The following ZNF766 variants were observed in gnomAD, a reference collection of about 807,000 sequenced individuals.
ZNF766 encodes zinc finger protein 766.
ZNF766 carries 13 observed loss-of-function variants against 13.2 expected under a neutral mutation model. The ratio of observed to expected loss-of-function variants is 0.98; its 90% CI spans 0.64 to 1.56. The LOEUF is 1.56. Ranked by LOEUF, ZNF766 falls within the 40% of genes most tolerant of loss-of-function variation. The pLI is 0.00. For synonymous variants in ZNF766, 178 were observed against 187.6 expected (o/e 0.95, Z 0.42); for missense variants, 521 against 552.2 (o/e 0.94, Z 0.57).
chr19:52,276,427 GA>G (rs1185419852), intron 1 of ZNF766, among the ~76,000 whole-genome samples: 1 of 152,128 alleles, frequency 6.6e-6, no homozygotes, highest in African/African-American at 2.4e-5. Context: ...GTAATTGGTT[GA>G]ATCCATGGAT....
chr19:52,282,263 TG>T, intron 2 of ZNF766, 26 bp downstream of exon 2: 2 of 1,576,542 alleles, frequency 1.3e-6, no homozygotes, highest in Non-Finnish European at 1.7e-6. Flanking sequence ...CTCCAGAAGT[TG>T]GGGTCTGCCC....
Position 52,290,977 on chromosome 19 carries a change from T to G in ZNF766, c.1186T>G (p.Ser396Ala), listed in dbSNP as rs1275981681. 1 of 1,613,992 alleles carries G rather than the reference T, an allele frequency of 6.2e-7. No homozygotes were observed. The highest frequency in any genetic ancestry group is 2.2e-5 in the East Asian group (1 of 44,838). ...ATGTGGCAAAGTCTTCACTCAAGTT[T>G]CACATCTTGCACGACATCAGAAAAT... ...HECGKVFTQV[S>A]HLARHQKIHT... Residue 396 changes from serine (S) to alanine (A), a missense_variant, in exon 4 of 4, where the codon TCA becomes GCA. Physicochemically the swap from Ser to Ala is moderately conservative, Grantham distance 99. Transcript: ENST00000439461.
At chr19:52,275,806 G>A (rs1016744257) in intron 1 of ZNF766, among the ~76,000 whole-genome samples, 5 of 151,226 alleles carry the variant, frequency 3.3e-5, no homozygotes, top group Non-Finnish European at 2.9e-5. Flanking sequence ...TCAGCCTCCC[G>A]AGTAGCTGGG....
chr19:52,286,753 C>T (rs1449526201), intron 3 of ZNF766, among the ~76,000 whole-genome samples: 3 of 152,116 alleles, frequency 2.0e-5, no homozygotes, highest in Admixed American at 2.0e-4. Context: ...AGGTGTGATC[C>T]ATTTTAATAT....
intron 3 of ZNF766, among the ~76,000 whole-genome samples, chr19:52,286,771 A>G (rs1033609786): frequency 6.6e-6 from 1 of 152,104 alleles, no homozygotes; most frequent in African/African-American, 2.4e-5. Context: ...TATGCTGCTG[A>G]ATTTATTTAG....
chr19:52,283,840 T>C (rs1461894717), intron 3 of ZNF766, among the ~76,000 whole-genome samples: 2 of 152,166 alleles, frequency 1.3e-5, no homozygotes, highest in African/African-American at 4.8e-5. Context: ...CGGGTACAAG[T>C]GAGTCCCCTG....
intron 1 of ZNF766, among the ~76,000 whole-genome samples, chr19:52,269,949 C>T (rs1313805994): frequency 1.3e-5 from 2 of 152,204 alleles, no homozygotes; most frequent in African/African-American, 4.8e-5. Flanking sequence ...TCCCAAGCCT[C>T]GTCCTTGTCG....
intron 1 of ZNF766, among the ~76,000 whole-genome samples, chr19:52,271,101 A>G (rs1021091631): frequency 6.6e-6 from 1 of 152,002 alleles, no homozygotes; most frequent in African/African-American, 2.4e-5. Flanking sequence ...ACATTTTATT[A>G]ATTTGCTGGA....
At chr19:52,279,218 G>A (rs1167534564) in intron 1 of ZNF766, among the ~76,000 whole-genome samples, 3 of 152,098 alleles carry the variant, frequency 2.0e-5, no homozygotes, top group African/African-American at 4.8e-5. Flanking sequence ...TGACTATTCT[G>A]TTCCATTGGT....
At chr19:52,289,402 T>A (rs1981998298) in intron 3 of ZNF766, among the ~76,000 whole-genome samples, 1 of 151,842 alleles carries the variant, frequency 6.6e-6, no homozygotes, top group Non-Finnish European at 1.5e-5. Context: ...TCCGCCCACC[T>A]CGCCCTCCCA....
chr19:52,269,798 C>T (rs907185216), intron 1 of ZNF766, among the ~76,000 whole-genome samples, 167 bp downstream of exon 1: 2 of 152,214 alleles, frequency 1.3e-5, no homozygotes, highest in South Asian at 2.1e-4. Flanking sequence ...AGGGCTGGTT[C>T]TGTCTCCGGT....
At chr19:52,274,163 A>G (rs1981091989) in intron 1 of ZNF766, among the ~76,000 whole-genome samples, 1 of 152,170 alleles carries the variant, frequency 6.6e-6, no homozygotes, top group Admixed American at 6.6e-5. Flanking sequence ...TTTGTCCTGT[A>G]TGTCCCCCTG....
chr19:52,289,768 C>T (rs775682793), intron 3 of ZNF766, among the ~76,000 whole-genome samples: 49 of 152,062 alleles, frequency 3.2e-4, no homozygotes, highest in African/African-American at 1.1e-3. Context: ...TGGGAGGCCA[C>T]GGCGGGCGGA....
intron 3 of ZNF766, among the ~76,000 whole-genome samples, chr19:52,286,588 A>G (rs1981842084): frequency 6.6e-6 from 1 of 151,758 alleles, no homozygotes; most frequent in African/African-American, 2.4e-5. Context: ...TGTTTTTATC[A>G]TAATTGCTAA....
chr19:52,276,828 C>G (rs1359176870), intron 1 of ZNF766, among the ~76,000 whole-genome samples: 2 of 152,206 alleles, frequency 1.3e-5, no homozygotes, highest in African/African-American at 4.8e-5. Context: ...GCCTCTGATT[C>G]ACAAAGAGGT....
chr19:52,294,218 G>GA lies in ZNF766; in HGVS notation c.*3026dup, dbSNP rs1982264717. ...CTCGTAGCGCTCAGTGACATAATTTGAAAAAATATTAATGTTCAGAAATGT... is the reference window on the plus strand; with the variant it reads ...CTCGTAGCGCTCAGTGACATAATTTGAAAAAAATATTAATGTTCAGAAATGT... On this transcript the variant is annotated 3_prime_UTR_variant, in exon 4 of 4. Transcript: ENST00000439461. 6.6e-6 allele frequency: 1 copy of GA among 152,092 alleles called. No individual in the cohort carries two copies. The highest frequency in any genetic ancestry group is 2.4e-5 in the African/African-American group (1 of 41,404). 9.4% of individuals were successfully genotyped at this position (152,092 alleles called of 1,614,324 possible).
chr19:52,285,739 G>A (rs1377870823), intron 3 of ZNF766, among the ~76,000 whole-genome samples: 1 of 152,182 alleles, frequency 6.6e-6, no homozygotes, highest in Non-Finnish European at 1.5e-5. Flanking sequence ...GAACCTCTCT[G>A]GGGAGGTCTT....
chr19:52,295,182 T>A lies in ZNF766; in HGVS notation c.*3984T>A, dbSNP rs1293240962. 1 of 145,068 alleles carries A rather than the reference T, an allele frequency of 6.9e-6. No individual in the cohort carries two copies. Among genetic ancestry groups the A allele is most frequent in the Non-Finnish European group, 1.5e-5 (1 of 66,128 alleles). 9.0% of individuals were successfully genotyped at this position (145,068 alleles called of 1,614,324 possible). A position where few individuals can be genotyped will look rare whatever the true frequency, so the allele number is the denominator to read the frequency against. Reference sequence around the variant, plus strand: ...GTACATTGCATCCAGATGCTATGCTTGTTTGTTTTTTTTTTTGAGACAGAG... The same window carrying A: ...GTACATTGCATCCAGATGCTATGCTAGTTTGTTTTTTTTTTTGAGACAGAG... On this transcript the variant is annotated 3_prime_UTR_variant, in exon 4 of 4. Coordinates refer to ENST00000439461, the MANE Select transcript of ZNF766 (RefSeq NM_001010851.3).
chr19:52,287,247 G>A (rs10409486), intron 3 of ZNF766, among the ~76,000 whole-genome samples: 12,884 of 150,664 alleles, frequency 0.086, 1,198 homozygotes, highest in African/African-American at 0.23. Flanking sequence ...GGTTCAAGCG[G>A]TTCTCCTGCC....
Sources: allele counts gnomAD v4.1 joint callset (sites outside exome capture counted in the v4.1 genomes callset), GRCh38; gene constraint gnomAD v4.1.1; transcripts MANE v1.5; gene names NCBI Gene and HGNC (gene_info 2026-07-23, HGNC 2026-07-21).